PPP2R5E: variants seen among roughly 807,000 people sequenced by gnomAD.
PPP2R5E encodes the protein serine/threonine-protein phosphatase 2A 56 kDa regulatory subunit epsilon isoform.
PPP2R5E carries 4 observed loss-of-function variants against 65.3 expected under a neutral mutation model. That is an observed-to-expected ratio of 0.06 (90% CI 0.03 to 0.14). The LOEUF is 0.14. Among genes scored for constraint, PPP2R5E ranks in the 10% least tolerant of loss-of-function variants. The pLI is 1.00. For synonymous variants in PPP2R5E, 183 were observed against 187.4 expected (o/e 0.98, Z 0.19); for missense variants, 274 against 556.1 (o/e 0.49, Z 5.10).
chr14:63,459,711 T>A (rs1447618597), intron 2 of PPP2R5E, among the ~76,000 whole-genome samples: 1 of 152,204 alleles, frequency 6.6e-6, no homozygotes, highest in East Asian at 1.9e-4. Flanking sequence ...TGCTAAGCAT[T>A]TGTATTTTAT....
chr14:63,383,022 T>C (rs1480428315), intron 12 of PPP2R5E, among the ~76,000 whole-genome samples: 1 of 152,202 alleles, frequency 6.6e-6, no homozygotes, highest in Non-Finnish European at 1.5e-5. Context: ...AGCTCTGATC[T>C]GCACCAGTCC....
chr14:63,416,421 A>G (rs902900309), intron 4 of PPP2R5E, among the ~76,000 whole-genome samples: 2 of 152,186 alleles, frequency 1.3e-5, no homozygotes, highest in Non-Finnish European at 2.9e-5. Flanking sequence ...TCGATTTTAT[A>G]ATGGAGATGG....
At chr14:63,482,882 A>C (rs1479951729) in intron 2 of PPP2R5E, among the ~76,000 whole-genome samples, 1 of 152,196 alleles carries the variant, frequency 6.6e-6, no homozygotes, top group South Asian at 2.1e-4. Context: ...AATAATTTTG[A>C]GCATTTTCTA....
At chr14:63,495,102 C>T (rs945791846) in intron 2 of PPP2R5E, among the ~76,000 whole-genome samples, 2 of 151,710 alleles carry the variant, frequency 1.3e-5, no homozygotes, top group East Asian at 1.9e-4. Context: ...ACTTGGGAGG[C>T]TGAGGCAGGA....
intron 2 of PPP2R5E, among the ~76,000 whole-genome samples, chr14:63,467,558 G>C (rs1889899314): frequency 2.0e-5 from 3 of 152,222 alleles, no homozygotes; most frequent in African/African-American, 7.2e-5. Context: ...CCACATATGA[G>C]AAATAAGAGT....
Position 63,462,363 on chromosome 14 carries a change from C to T in PPP2R5E, c.158-8478G>A, listed in dbSNP as rs189878471. Among the ~76,000 whole-genome samples the T allele has an allele frequency of 2.7e-3, 404 of 152,246 alleles. 3 individuals are homozygous for T. Among genetic ancestry groups the T allele is most frequent in the Non-Finnish European group, 2.7e-3 (186 of 68,026 alleles). On this transcript the variant is annotated intron_variant, in intron 2 of 13. Transcript: ENST00000337537. Reference sequence around the variant, plus strand: ...AGGATTACAGGTGTGAGCCAGTGCACCCAGCCTTCAACTGTAGATCATCAT... The same window carrying T: ...AGGATTACAGGTGTGAGCCAGTGCATCCAGCCTTCAACTGTAGATCATCAT...
At chr14:63,529,325 G>C (rs1015460468) in intron 2 of PPP2R5E, among the ~76,000 whole-genome samples, 5 of 151,082 alleles carry the variant, frequency 3.3e-5, no homozygotes, top group African/African-American at 1.2e-4. Flanking sequence ...AAAGTGCTGG[G>C]ATTACAGGCG....
Position 63,509,489 on chromosome 14 carries a change from G to A in PPP2R5E, c.157+30040C>T, listed in dbSNP as rs575689373. 2.0e-5 allele frequency among the ~76,000 whole-genome samples: 3 copies of A among 152,004 alleles called. No homozygotes were observed. The East Asian group carries it at 5.8e-4, about 29-fold the overall frequency. On this transcript the variant is annotated intron_variant, in intron 2 of 13. Transcript: ENST00000337537. ...GGGTTTTGCCATGTTGGCCAGGCTG[G>A]TTTCGAACTCCTGACCTCAAGTGAT... is the stretch of plus-strand genomic sequence containing the variant.
chr14:63,516,431 A>G (rs1456369671), intron 2 of PPP2R5E, among the ~76,000 whole-genome samples: 3 of 152,248 alleles, frequency 2.0e-5, no homozygotes, highest in Non-Finnish European at 2.9e-5. Context: ...AGCTTTAAGT[A>G]AAAGTTCACA....
At chr14:63,498,752 C>T (rs1481304967) in intron 2 of PPP2R5E, among the ~76,000 whole-genome samples, 1 of 152,030 alleles carries the variant, frequency 6.6e-6, no homozygotes, top group South Asian at 2.1e-4. Flanking sequence ...TCACAAATCC[C>T]TATATACATC....
chr14:63,410,707 T>G (rs1189213555), intron 5 of PPP2R5E, among the ~76,000 whole-genome samples: 1 of 152,150 alleles, frequency 6.6e-6, no homozygotes, highest in South Asian at 2.1e-4. Context: ...CCAACATGAA[T>G]GAGCAGGGTA....
intron 5 of PPP2R5E, among the ~76,000 whole-genome samples, chr14:63,410,794 T>C (rs954131661): frequency 2.0e-4 from 31 of 152,334 alleles, no homozygotes; most frequent in African/African-American, 6.5e-4. Flanking sequence ...AGTCAGATGA[T>C]TTCATTCAAG....
intron 2 of PPP2R5E, among the ~76,000 whole-genome samples, chr14:63,471,124 G>A (rs929886691): frequency 1.3e-5 from 2 of 152,136 alleles, no homozygotes; most frequent in African/African-American, 2.4e-5. Flanking sequence ...GCAAAAACAC[G>A]CACCAGGCTC....
At chr14:63,434,192 CA>C (rs148922156) in intron 3 of PPP2R5E, among the ~76,000 whole-genome samples, 2 of 151,312 alleles carry the variant, frequency 1.3e-5, no homozygotes, top group East Asian at 1.9e-4. Flanking sequence ...TTTGCTTATG[CA>C]AAAAAAATCA....
In PPP2R5E at chr14:63,384,552, T is replaced by C. The variant is rs1884546317; in HGVS notation, c.1094A>G (p.Tyr365Cys). Reference protein sequence around the residue: ...PHFQVAERALYYWNNEYIMSL... With the variant: ...PHFQVAERALCYWNNEYIMSL... ...CATGATGTATTCATTATTCCAATAATAGAGTGCTCTTTCTGCCACCTTTGG... is the reference window on the plus strand; with the variant it reads ...CATGATGTATTCATTATTCCAATAACAGAGTGCTCTTTCTGCCACCTTTGG... Residue 365 changes from tyrosine to cysteine, a missense_variant, in exon 12 of 14, where the codon TAT becomes TGT. Transcript: ENST00000337537. The C allele has an allele frequency of 1.2e-6, 2 of 1,612,508 alleles. No individual in the cohort carries two copies. Among genetic ancestry groups the C allele is most frequent in the Non-Finnish European group, 8.5e-7 (1 of 1,179,300 alleles).
chr14:63,449,813 C>G (rs1488966287), intron 3 of PPP2R5E, among the ~76,000 whole-genome samples: 2 of 148,040 alleles, frequency 1.4e-5, no homozygotes, highest in East Asian at 2.0e-4. Flanking sequence ...ATGGCCAGAG[C>G]TGGCATTTGA....
intron 2 of PPP2R5E, among the ~76,000 whole-genome samples, chr14:63,516,162 T>C (rs1892663987): frequency 6.6e-6 from 1 of 152,202 alleles, no homozygotes; most frequent in Admixed American, 6.5e-5. Flanking sequence ...CCACTTATTT[T>C]ATTTAAATTA....
At chr14:63,481,495 CAAAAAAAAA>C (rs59764365) in intron 2 of PPP2R5E, among the ~76,000 whole-genome samples, 46 of 93,086 alleles carry the variant, frequency 4.9e-4, no homozygotes, top group African/African-American at 6.3e-4. Context: ...GACTCCATCT[CAAAAAAAAA>C]AAAAAAAAAA....
rs554883669 is a variant in PPP2R5E, at chr14:63,385,886, C to T, written c.1075-1315G>A. On this transcript the variant is annotated intron_variant, in intron 11 of 13. Transcript: ENST00000337537. ...GTCTCAGGGACACTGGCTGCACCTA[C>T]CCTCTCTGCTCTCTTAGATCCCTTT... Among the ~76,000 whole-genome samples the T allele has an allele frequency of 5.3e-5, 8 of 152,320 alleles. No homozygotes were observed. The South Asian group carries it at 1.7e-3, about 32-fold the overall frequency.
Sources: gnomAD v4.1 joint callset for allele counts (sites outside exome capture counted in the v4.1 genomes callset) on GRCh38, gnomAD v4.1.1 for gene constraint, MANE v1.5 for transcripts, NCBI Gene and HGNC (gene_info 2026-07-23, HGNC 2026-07-21) for gene names.